Variants in ASAP1 observed in about 807,000 individuals in gnomAD.
ASAP1 encodes the protein ArfGAP with SH3 domain, ankyrin repeat and PH domain 1, also known as arf-GAP with SH3 domain, ANK repeat and PH domain-containing protein 1.
A neutral mutation model predicts 145.2 loss-of-function variants in ASAP1; 43 were observed. The observed-to-expected ratio is 0.30, with a 90% CI of 0.23 to 0.38. The LOEUF is 0.38. Among genes scored for constraint, ASAP1 ranks in the 10% least tolerant of loss-of-function variants. ASAP1 has a pLI of 1.00. For synonymous variants in ASAP1, 546 were observed against 515.5 expected, an observed-to-expected ratio of 1.06 and a Z score of -0.80; for missense variants, 1,018 against 1,355.3, an observed-to-expected ratio of 0.75 and a Z score of 3.91.
intron 3 of ASAP1, among the ~76,000 whole-genome samples, chr8:130,311,775 A>AAAAAAAAAAAT (rs796803091): frequency 6.7e-6 from 1 of 148,574 alleles, no homozygotes; most frequent in Non-Finnish European, 1.5e-5. Flanking sequence ...AAAAAAAAAA[A>AAAAAAAAAAAT]GGCAAAATAA....
intron 5 of ASAP1, among the ~76,000 whole-genome samples, chr8:130,196,299 G>A (rs954582990): frequency 2.6e-5 from 4 of 151,064 alleles, no homozygotes; most frequent in South Asian, 2.1e-4. Context: ...CTGAGATCAC[G>A]CCACTGTGCT....
intron 3 of ASAP1, among the ~76,000 whole-genome samples, chr8:130,272,858 G>C (rs183736967): frequency 9.2e-5 from 14 of 152,300 alleles, no homozygotes; most frequent in Admixed American, 7.8e-4. Flanking sequence ...AGGTGGGAGA[G>C]AGAGAGAATA....
intron 3 of ASAP1, among the ~76,000 whole-genome samples, chr8:130,256,128 C>G (rs1000923561): frequency 6.6e-6 from 1 of 152,282 alleles, no homozygotes; most frequent in East Asian, 1.9e-4. Flanking sequence ...AACCTTTGCC[C>G]TGAAGCACTA....
intron 3 of ASAP1, among the ~76,000 whole-genome samples, chr8:130,247,234 T>C (rs1490892840): frequency 6.6e-6 from 1 of 152,174 alleles, no homozygotes; most frequent in South Asian, 2.1e-4. Flanking sequence ...CTGATTTTGG[T>C]TCATTCTTGT....
In ASAP1 at chr8:130,118,298, G is replaced by A. The variant is rs1259147854; in HGVS notation, c.1795-52C>T. On this transcript the variant is annotated intron_variant, in intron 19 of 29. Transcript: ENST00000518721. ...AAGTCAATAATATGCTCTGCCAAGG[G>A]AGGCTTCATATATATCAGTTGCCCC... The A allele has an allele frequency of 2.6e-6, 4 of 1,562,936 alleles. No individual in the cohort carries two copies. The African/African-American group carries it at 4.1e-5, about 16-fold the overall frequency.
At chr8:130,422,213 T>C (rs569645032) in intron 1 of ASAP1, among the ~76,000 whole-genome samples, 1 of 152,170 alleles carries the variant, frequency 6.6e-6, no homozygotes, top group African/African-American at 2.4e-5. Context: ...GGGCACATCT[T>C]CAACAACAGC....
chr8:130,434,114 G>A (rs962012652), intron 1 of ASAP1, among the ~76,000 whole-genome samples: 7 of 152,138 alleles, frequency 4.6e-5, no homozygotes, highest in Non-Finnish European at 1.0e-4. Context: ...CCAGGAGTTC[G>A]AGACCAACTT....
chr8:130,313,570 G>A (rs1045695474), intron 3 of ASAP1, among the ~76,000 whole-genome samples: 4 of 152,166 alleles, frequency 2.6e-5, no homozygotes, highest in Non-Finnish European at 4.4e-5. Flanking sequence ...CCAACTAGGG[G>A]AGCTGCAGTT....
intron 1 of ASAP1, among the ~76,000 whole-genome samples, chr8:130,431,824 G>C (rs973765326): frequency 1.3e-5 from 2 of 149,266 alleles, no homozygotes; most frequent in Admixed American, 1.3e-4. Flanking sequence ...GGAAGAGTAG[G>C]GAGAGGTGAA....
intron 27 of ASAP1, among the ~76,000 whole-genome samples, chr8:130,073,943 A>G (rs1269076650): frequency 1.3e-5 from 2 of 152,216 alleles, no homozygotes; most frequent in African/African-American, 4.8e-5. Flanking sequence ...AGATGAACAA[A>G]CACGAGGGGA....
intron 4 of ASAP1, among the ~76,000 whole-genome samples, chr8:130,226,365 C>T (rs1465345760): frequency 6.6e-6 from 1 of 152,180 alleles, no homozygotes; most frequent in Non-Finnish European, 1.5e-5. Flanking sequence ...TTGGAAACAA[C>T]TGCTGATTAT....
At chr8:130,257,478 C>T (rs573803035) in intron 3 of ASAP1, among the ~76,000 whole-genome samples, 1 of 152,236 alleles carries the variant, frequency 6.6e-6, no homozygotes, top group Non-Finnish European at 1.5e-5. Flanking sequence ...TATTTCACTT[C>T]ATAAGCTTCT....
chr8:130,178,932 G>C (rs1208114703), intron 9 of ASAP1, among the ~76,000 whole-genome samples: 1 of 152,018 alleles, frequency 6.6e-6, no homozygotes, highest in Non-Finnish European at 1.5e-5. Flanking sequence ...AGAGAGTCAG[G>C]GTAGGGGGTC....
At chr8:130,434,041 C>A (rs1045352290) in intron 1 of ASAP1, among the ~76,000 whole-genome samples, 1 of 152,218 alleles carries the variant, frequency 6.6e-6, no homozygotes, top group Non-Finnish European at 1.5e-5. Flanking sequence ...AAGGGCCAAG[C>A]ATGGTGGCTC....
intron 3 of ASAP1, among the ~76,000 whole-genome samples, chr8:130,252,711 C>A (rs1036648184): frequency 6.6e-6 from 1 of 152,190 alleles, no homozygotes; most frequent in South Asian, 2.1e-4. Context: ...CACCCACCCA[C>A]AAGCACCATG....
In ASAP1 at chr8:130,359,861, G is replaced by A. The variant is rs183704566; in HGVS notation, c.60-1718C>T. The stretch of plus-strand genomic sequence containing the variant: ...GATGGTCTCGATCTCCTGACCTCAT[G>A]ATCCACCCGCCTCGGCCTCCCAAAG... On this transcript the variant is annotated intron_variant, in intron 2 of 29. Transcript: ENST00000518721. Among the ~76,000 whole-genome samples, 94 of 151,118 alleles carry A rather than the reference G, an allele frequency of 6.2e-4. 3 individuals are homozygous for A. The East Asian group carries it at 0.016, about 25-fold the overall frequency.
At chr8:130,232,112 A>G (rs1425600346) in intron 4 of ASAP1, among the ~76,000 whole-genome samples, 1 of 152,224 alleles carries the variant, frequency 6.6e-6, no homozygotes, top group Non-Finnish European at 1.5e-5. Flanking sequence ...CAGAAAAAGA[A>G]CAGAAGGACG....
intron 12 of ASAP1, among the ~76,000 whole-genome samples, chr8:130,158,921 C>T (rs578043336): frequency 5.3e-5 from 8 of 151,966 alleles, no homozygotes; most frequent in African/African-American, 7.2e-5. Flanking sequence ...TTAGTAGAGA[C>T]GGGGTTTCAC....
intron 4 of ASAP1, among the ~76,000 whole-genome samples, chr8:130,234,458 G>A (rs1054555825): frequency 6.6e-6 from 1 of 152,086 alleles, no homozygotes; most frequent in Non-Finnish European, 1.5e-5. Context: ...TCTACTGGAG[G>A]AGGCTGCACC....
Sources: gnomAD v4.1 joint callset for allele counts (sites outside exome capture counted in the v4.1 genomes callset) on GRCh38, gnomAD v4.1.1 for gene constraint, MANE v1.5 for transcripts, NCBI Gene and HGNC (gene_info 2026-07-23, HGNC 2026-07-21) for gene names.